Variants in APBB2 observed in about 807,000 individuals in gnomAD.
APBB2 encodes the protein Fe65-like 1.
Under a neutral mutation model 82.5 loss-of-function variants are expected in APBB2, and 38 were observed. That is an observed-to-expected ratio of 0.46 (90% CI 0.36 to 0.60). APBB2 has a LOEUF of 0.60. APBB2 is among the 20% of genes least tolerant of loss of function. The pLI, the probability that APBB2 is intolerant of heterozygous loss-of-function variation, is 0.00. For missense variants in APBB2, 772 were observed against 972.3 expected, an observed-to-expected ratio of 0.79 and a Z score of 2.74; for synonymous variants, 341 against 368.2, an observed-to-expected ratio of 0.93 and a Z score of 0.85.
intron 2 of APBB2, among the ~76,000 whole-genome samples, chr4:41,110,301 C>A (rs1162270025): frequency 1.3e-5 from 2 of 152,092 alleles, no homozygotes; most frequent in African/African-American, 2.4e-5. Flanking sequence ...GGTTGTCGTA[C>A]CCTGTTAAAA....
rs141020736 is a variant in APBB2, at chr4:40,943,203, G to A, written c.1044+1662C>T. On this transcript the variant is annotated intron_variant, in intron 7 of 17. Transcript: ENST00000508593. ...GAGCTCTAGGCCCAGAGCTGCCACC[G>A]GTCACTGGCCTCTCTACAACCTCAG... Among the ~76,000 whole-genome samples, 64 of 152,272 alleles carry A rather than the reference G, an allele frequency of 4.2e-4. 2 individuals are homozygous for A. The highest frequency in any genetic ancestry group is 3.9e-3 in the East Asian group (20 of 5,184).
chr4:41,010,216 T>C (rs1807932997), intron 6 of APBB2, among the ~76,000 whole-genome samples: 1 of 152,198 alleles, frequency 6.6e-6, no homozygotes, highest in Non-Finnish European at 1.5e-5. Context: ...GTTTGGCTTC[T>C]AGTATATTTT....
At chr4:41,158,841 A>G (rs1764130216) in intron 1 of APBB2, among the ~76,000 whole-genome samples, 1 of 152,190 alleles carries the variant, frequency 6.6e-6, no homozygotes, top group South Asian at 2.1e-4. Context: ...GTCACCCCAC[A>G]GCACGGTTAC....
chr4:41,077,434 G>T (rs1321297604), intron 3 of APBB2, among the ~76,000 whole-genome samples: 1 of 151,922 alleles, frequency 6.6e-6, no homozygotes, highest in Non-Finnish European at 1.5e-5. Flanking sequence ...ATACCAAGGT[G>T]GATTACAAGA....
chr4:41,000,989 T>C (rs1336950553), intron 6 of APBB2, among the ~76,000 whole-genome samples: 2 of 152,240 alleles, frequency 1.3e-5, no homozygotes, highest in Non-Finnish European at 2.9e-5. Flanking sequence ...ATAGCTTCTT[T>C]GTCCACAGAG....
intron 10 of APBB2, among the ~76,000 whole-genome samples, chr4:40,903,215 C>T (rs1775797233): frequency 7.1e-6 from 1 of 141,266 alleles, no homozygotes; most frequent in African/African-American, 2.8e-5. Flanking sequence ...AATCCCAGCA[C>T]TTTGGGAGGC....
intron 3 of APBB2, among the ~76,000 whole-genome samples, chr4:41,087,038 G>A (rs1015895812): frequency 2.6e-5 from 4 of 152,118 alleles, no homozygotes; most frequent in East Asian, 1.9e-4. Context: ...TACTCAGGAC[G>A]CTGAGGCGGG....
chr4:40,899,886 C>T (rs752564006), intron 10 of APBB2, among the ~76,000 whole-genome samples: 36 of 152,078 alleles, frequency 2.4e-4, no homozygotes, highest in Non-Finnish European at 4.1e-4. Context: ...GCCAGTGAGC[C>T]GTGGGATACA....
chr4:41,021,077 T>G (rs1811356704), intron 5 of APBB2, among the ~76,000 whole-genome samples: 1 of 152,220 alleles, frequency 6.6e-6, no homozygotes, highest in Non-Finnish European at 1.5e-5. Context: ...GGCCCTGTAT[T>G]TTTAATCTCC....
intron 3 of APBB2, among the ~76,000 whole-genome samples, chr4:41,071,595 C>T (rs910242814): frequency 5.3e-5 from 8 of 152,016 alleles, no homozygotes; most frequent in Non-Finnish European, 1.0e-4. Flanking sequence ...GCAGGAGAAT[C>T]GCTTGAACCC....
intron 6 of APBB2, among the ~76,000 whole-genome samples, chr4:41,005,463 T>C (rs899287615): frequency 6.6e-6 from 1 of 152,232 alleles, no homozygotes; most frequent in South Asian, 2.1e-4. Context: ...TAGCTCATGA[T>C]GAAATTTGAC....
At chr4:41,166,812 G>T (rs554094344) in intron 1 of APBB2, among the ~76,000 whole-genome samples, 1 of 151,838 alleles carries the variant, frequency 6.6e-6, no homozygotes, top group Non-Finnish European at 1.5e-5. Flanking sequence ...CAGGAGATTC[G>T]CTTGAACCCA....
intron 6 of APBB2, among the ~76,000 whole-genome samples, chr4:40,994,418 T>C (rs949357295): frequency 2.0e-5 from 3 of 152,102 alleles, no homozygotes; most frequent in African/African-American, 7.2e-5. Context: ...TAAAGTATGA[T>C]AGTTGAATCA....
chr4:40,872,376 G>C (rs976277545), intron 12 of APBB2, among the ~76,000 whole-genome samples: 2 of 152,184 alleles, frequency 1.3e-5, no homozygotes, highest in African/African-American at 2.4e-5. Context: ...AGAACAGGTG[G>C]GACCTGCACT....
chr4:40,895,599 G>A (rs1383658030), intron 10 of APBB2, among the ~76,000 whole-genome samples: 1 of 152,176 alleles, frequency 6.6e-6, no homozygotes, highest in African/African-American at 2.4e-5. Flanking sequence ...TCCACCAAAC[G>A]TGCTGCTTTA....
Position 40,825,735 on chromosome 4 carries a change from C to T in APBB2, c.1816+152G>A, listed in dbSNP as rs78948262. On this transcript the variant is annotated intron_variant, in intron 15 of 17. Coordinates refer to ENST00000508593, the MANE Select transcript of APBB2 (RefSeq NM_004307.2). ...CCTCTACTCATCTTTTGATCAGGACCGTTTATGTTCTCTGGCAGGTGACAG... is the reference window on the plus strand; with the variant it reads ...CCTCTACTCATCTTTTGATCAGGACTGTTTATGTTCTCTGGCAGGTGACAG... The T allele has an allele frequency of 6.3e-4, 405 of 643,722 alleles. 1 individual carries two copies. Among genetic ancestry groups the T allele is most frequent in the African/African-American group, 5.5e-3 (303 of 55,264 alleles). 39.9% of individuals were successfully genotyped at this position (643,722 alleles called of 1,614,324 possible).
chr4:40,994,607 G>A (rs1803100077), intron 6 of APBB2, among the ~76,000 whole-genome samples: 2 of 151,956 alleles, frequency 1.3e-5, no homozygotes, highest in Admixed American at 6.6e-5. Context: ...GAGGTCAAGA[G>A]ATTGACACCA....
chr4:41,137,554 C>A (rs1217031661), intron 2 of APBB2, among the ~76,000 whole-genome samples: 1 of 152,154 alleles, frequency 6.6e-6, no homozygotes, highest in Non-Finnish European at 1.5e-5. Flanking sequence ...AAAGGTACAA[C>A]AGTGTTTTTT....
intron 6 of APBB2, among the ~76,000 whole-genome samples, chr4:41,003,895 T>C (rs1204216649): frequency 6.6e-6 from 1 of 152,138 alleles, no homozygotes; most frequent in Non-Finnish European, 1.5e-5. Context: ...GTATTTTTAG[T>C]AGAGACAGGG....
Sources: gnomAD v4.1 joint callset for allele counts (sites outside exome capture counted in the v4.1 genomes callset) on GRCh38, gnomAD v4.1.1 for gene constraint, MANE v1.5 for transcripts, NCBI Gene and HGNC (gene_info 2026-07-23, HGNC 2026-07-21) for gene names.